The following RTTN variants were observed in gnomAD, a reference collection of about 807,000 sequenced individuals.
The protein encoded by RTTN is rotatin.
A neutral mutation model predicts 269.2 loss-of-function variants in RTTN; 182 were observed. The ratio of observed to expected loss-of-function variants is 0.68; its 90% CI spans 0.60 to 0.76. The LOEUF is 0.76. RTTN is among the 30% of genes least tolerant of loss of function. RTTN has a pLI of 0.00. For missense variants in RTTN, 2,545 were observed against 2,608.6 expected (o/e 0.98, Z 0.53); for synonymous variants, 1,006 against 963.5 (o/e 1.04, Z -0.82).
At chr18:70,175,988 C>T (rs1048190571) in intron 11 of RTTN, among the ~76,000 whole-genome samples, 3 of 152,068 alleles carry the variant, frequency 2.0e-5, no homozygotes, top group African/African-American at 7.2e-5. Context: ...AACCAAGACA[C>T]ACACTGCAGA....
chr18:70,175,949 G>A (rs754465955), intron 11 of RTTN, among the ~76,000 whole-genome samples: 1 of 152,046 alleles, frequency 6.6e-6, no homozygotes, highest in Non-Finnish European at 1.5e-5. Flanking sequence ...TGAAGAGAAG[G>A]AAAGGCTACT....
rs2061065857 is a variant in RTTN at position 70,169,031 on chromosome 18, A to T, written c.1513T>A (p.Leu505Ile). 19 of 1,611,994 alleles carry T rather than the reference A, an allele frequency of 1.2e-5. No individual in the cohort carries two copies. The highest frequency in any genetic ancestry group is 1.4e-5 in the Non-Finnish European group (17 of 1,179,614). Residue 505 changes from leucine to isoleucine, a missense_variant, in exon 12 of 49, where the codon TTA (leucine) becomes ATA (isoleucine). Physicochemically the swap from Leu to Ile is conservative, Grantham distance 5. Coordinates refer to ENST00000640769, the MANE Select transcript of RTTN (RefSeq NM_173630.4). ...EFLSEPMSTA[L>I]FLLSLDMPIS... ...GGCATGTCCAAAGAAAGGAGAAATA[A>T]TGCTGTTGACATAGGCTCTGATAAA...
Position 70,075,343 on chromosome 18 carries a change from C to G in RTTN, c.4564+9G>C. The G allele has an allele frequency of 6.6e-7, 1 of 1,515,068 alleles. No homozygotes were observed. The highest frequency in any genetic ancestry group is 8.9e-7 in the Non-Finnish European group (1 of 1,122,348). 93.9% of individuals were successfully genotyped at this position (1,515,068 alleles called of 1,614,324 possible). On this transcript the variant is annotated intron_variant, in intron 33 of 48. Transcript: ENST00000640769. The stretch of plus-strand genomic sequence containing the variant: ...TACAAAAATAAAAATACAAAGATAT[C>G]GTACTTACCATTTAAATCATTGCTT...
chr18:70,083,626 AAATT>A, intron 32 of RTTN, among the ~76,000 whole-genome samples: 1 of 152,348 alleles, frequency 6.6e-6, no homozygotes, highest in East Asian at 1.9e-4. Flanking sequence ...TTAAAAAAAT[AAATT>A]GTTTTAAATT....
rs1227666470 is a variant in RTTN at position 70,030,961 on chromosome 18, G to T, written c.5562C>A (p.Ser1854=). 1 of 1,612,806 alleles carries T rather than the reference G, an allele frequency of 6.2e-7. No homozygotes were observed. The highest frequency in any genetic ancestry group is 2.2e-5 in the East Asian group (1 of 44,846). ...VILQCYEGKS[S]KDILKRVAAN... ...CAGCTACTCTTTTCAGGATATCTTTGGAGGATTTCCCTTCATAGCACTGCA... is the reference window on the plus strand; with the variant it reads ...CAGCTACTCTTTTCAGGATATCTTTTGAGGATTTCCCTTCATAGCACTGCA... The change falls in exon 41 of 49, where the codon TCC becomes TCA. Residue 1854 remains serine (S), a synonymous_variant. Coordinates refer to ENST00000640769, the MANE Select transcript of RTTN (RefSeq NM_173630.4).
chr18:70,098,978 T>C (rs1156925359), intron 28 of RTTN, among the ~76,000 whole-genome samples: 2 of 152,226 alleles, frequency 1.3e-5, no homozygotes, highest in African/African-American at 4.8e-5. Context: ...GAACTCATCC[T>C]ATTTTATGGC....
intron 39 of RTTN, among the ~76,000 whole-genome samples, chr18:70,050,524 A>G (rs1490360268): frequency 6.6e-6 from 1 of 152,228 alleles, no homozygotes; most frequent in African/African-American, 2.4e-5. Flanking sequence ...GCAATTCCTC[A>G]AGCATCTAGA....
chr18:70,051,859 T>C (rs2057680687), intron 38 of RTTN, among the ~76,000 whole-genome samples: 1 of 152,192 alleles, frequency 6.6e-6, no homozygotes, highest in Admixed American at 6.5e-5. Flanking sequence ...ACTGCAGAAC[T>C]ACATATTGGC....
intron 44 of RTTN, among the ~76,000 whole-genome samples, chr18:70,024,070 A>G (rs578059142): frequency 1.3e-5 from 2 of 152,334 alleles, no homozygotes; most frequent in African/African-American, 4.8e-5. Flanking sequence ...GGCATGAGCC[A>G]CTGCACCCAG....
At chr18:70,174,841 C>A (rs1050619362) in intron 11 of RTTN, among the ~76,000 whole-genome samples, 1 of 149,870 alleles carries the variant, frequency 6.7e-6, no homozygotes, top group Non-Finnish European at 1.5e-5. Flanking sequence ...GCAAACATGG[C>A]GAAATCTGGT....
intron 32 of RTTN, among the ~76,000 whole-genome samples, chr18:70,076,470 A>G (rs2145084447): frequency 6.6e-6 from 1 of 152,116 alleles, no homozygotes; most frequent in East Asian, 1.9e-4. Flanking sequence ...GGATATTTTA[A>G]CTTACTCTTC....
rs548065272 is a variant in RTTN at position 70,121,412 on chromosome 18, T to C, written c.3528+144A>G. ...TCACAATCGTATCAGGAAAGCCATG[T>C]TGTTATGAGCCATTCATTACATGAA... On this transcript the variant is annotated intron_variant, in intron 26 of 48. Coordinates refer to ENST00000640769, the MANE Select transcript of RTTN (RefSeq NM_173630.4). 4 of 584,542 alleles carry C rather than the reference T, an allele frequency of 6.8e-6. No individual in the cohort carries two copies. In the South Asian group the frequency reaches 1.1e-4, roughly 17 times the overall value. 36.2% of individuals were successfully genotyped at this position (584,542 alleles called of 1,614,324 possible).
At chr18:70,154,655 C>T (rs2060626267) in intron 14 of RTTN, among the ~76,000 whole-genome samples, 2 of 152,144 alleles carry the variant, frequency 1.3e-5, no homozygotes, top group Non-Finnish European at 2.9e-5. Flanking sequence ...ATAAACCCTT[C>T]TACTTTCTTC....
chr18:70,099,402 T>C (rs1168389901), intron 28 of RTTN, among the ~76,000 whole-genome samples: 1 of 152,232 alleles, frequency 6.6e-6, no homozygotes, highest in African/African-American at 2.4e-5. Context: ...TGTCTGCTCA[T>C]ATCCTTCGCC....
chr18:70,114,091 T>G (rs888694113), intron 27 of RTTN, among the ~76,000 whole-genome samples: 1 of 152,156 alleles, frequency 6.6e-6, no homozygotes, highest in South Asian at 2.1e-4. Context: ...ACTAGAGATA[T>G]GTATTTGAAA....
At chr18:70,142,201 A>G in intron 19 of RTTN, 87 bp downstream of exon 19, 14 of 829,060 alleles carry the variant, frequency 1.7e-5, no homozygotes, top group Non-Finnish European at 2.6e-5. Flanking sequence ...CGCATAAACC[A>G]TAGTTGCCAA....
intron 27 of RTTN, 93 bp downstream of exon 27, chr18:70,114,352 A>T: frequency 8.8e-7 from 1 of 1,136,296 alleles, no homozygotes; most frequent in Non-Finnish European, 1.3e-6. Context: ...AGTATTTCTT[A>T]ATTTGAAAGA....
rs186532699 is a variant in RTTN, at chr18:70,071,869, C to T, written c.4653+2037G>A. Among the ~76,000 whole-genome samples, 495 of 152,130 alleles carry T rather than the reference C, an allele frequency of 3.3e-3. 1 individual carries two copies. Among genetic ancestry groups the T allele is most frequent in the African/African-American group, 0.011 (466 of 41,510 alleles). Reference sequence around the variant, plus strand: ...TGGAAAGATAAAATGGAAAAACCAGCCAACTAACCAATAAAGGATTGCATT... The same window carrying T: ...TGGAAAGATAAAATGGAAAAACCAGTCAACTAACCAATAAAGGATTGCATT... On this transcript the variant is annotated intron_variant, in intron 34 of 48. Coordinates refer to ENST00000640769, the MANE Select transcript of RTTN (RefSeq NM_173630.4).
intron 47 of RTTN, chr18:70,006,100 C>A: frequency 6.9e-6 from 2 of 290,018 alleles, no homozygotes; most frequent in Non-Finnish European, 1.3e-5. Flanking sequence ...ACAATCTATA[C>A]TAAAATTGCA....
Sources: allele counts gnomAD v4.1 joint callset (sites outside exome capture counted in the v4.1 genomes callset), GRCh38; gene constraint gnomAD v4.1.1; transcripts MANE v1.5; gene names NCBI Gene and HGNC (gene_info 2026-07-23, HGNC 2026-07-21).